NDUFAF2: variants seen among roughly 807,000 people sequenced by gnomAD.
NDUFAF2 encodes the protein NADH:ubiquinone oxidoreductase complex assembly factor 2.
Under a neutral mutation model 22.8 loss-of-function variants are expected in NDUFAF2, and 13 were observed. The ratio of observed to expected loss-of-function variants is 0.57; its 90% CI spans 0.37 to 0.91. The LOEUF is 0.91. NDUFAF2 is among the 40% of genes least tolerant of loss of function. The pLI, the probability that NDUFAF2 is intolerant of heterozygous loss-of-function variation, is 0.01. For synonymous variants in NDUFAF2, 53 were observed against 64.2 expected (o/e 0.83, Z 0.84); for missense variants, 162 against 195.2 (o/e 0.83, Z 1.01).
At chr5:60,972,013 G>A (rs1355477245) in intron 1 of NDUFAF2, among the ~76,000 whole-genome samples, 1 of 142,824 alleles carries the variant, frequency 7.0e-6, no homozygotes, top group Non-Finnish European at 1.5e-5. Flanking sequence ...TGTGATCTAA[G>A]CTCACTGCAA....
intron 1 of NDUFAF2, among the ~76,000 whole-genome samples, chr5:61,013,585 T>G (rs747722269): frequency 6.6e-6 from 1 of 152,186 alleles, no homozygotes; most frequent in Non-Finnish European, 1.5e-5. Flanking sequence ...TTCACTGCTC[T>G]GAATTATATA....
chr5:61,084,560 A>G (rs1752482880), intron 2 of NDUFAF2, among the ~76,000 whole-genome samples: 2 of 152,166 alleles, frequency 1.3e-5, no homozygotes, highest in African/African-American at 2.4e-5. Flanking sequence ...TAGAAATTGA[A>G]TCATACAGTA....
chr5:60,971,093 G>T (rs962650991), intron 1 of NDUFAF2, among the ~76,000 whole-genome samples: 1 of 150,490 alleles, frequency 6.6e-6, no homozygotes, highest in African/African-American at 2.4e-5. Flanking sequence ...CATGCTTAAT[G>T]CTCTCTAATT....
At chr5:61,110,222 A>G (rs553450200) in intron 3 of NDUFAF2, among the ~76,000 whole-genome samples, 52 of 150,996 alleles carry the variant, frequency 3.4e-4, no homozygotes, top group Non-Finnish European at 6.0e-4. Context: ...GGATTTTTGC[A>G]TCAGTGTTCA....
rs114065525 is a variant in NDUFAF2 at position 60,997,919 on chromosome 5, T to G, written c.127+52537T>G. Reference sequence around the variant, plus strand: ...CCTAGATTTTGGTTCATTGGCCACCTTCCAGGCTTCCTACTAAATTATTGG... The same window carrying G: ...CCTAGATTTTGGTTCATTGGCCACCGTCCAGGCTTCCTACTAAATTATTGG... On this transcript the variant is annotated intron_variant, in intron 1 of 3. Transcript: ENST00000296597. Among the ~76,000 whole-genome samples the G allele has an allele frequency of 5.6e-3, 853 of 152,322 alleles. 9 individuals carry two copies. The highest frequency in any genetic ancestry group is 0.014 in the Middle Eastern group (4 of 294).
chr5:61,009,697 A>G (rs1187703379), intron 1 of NDUFAF2, among the ~76,000 whole-genome samples: 1 of 152,066 alleles, frequency 6.6e-6, no homozygotes, highest in African/African-American at 2.4e-5. Context: ...GTACTTCTTC[A>G]AGTCATGGAA....
intron 1 of NDUFAF2, among the ~76,000 whole-genome samples, chr5:60,959,946 A>G (rs1351063227): frequency 1.3e-5 from 2 of 152,176 alleles, no homozygotes; most frequent in African/African-American, 4.8e-5. Flanking sequence ...ACTTATACAA[A>G]TAGTACCACA....
chr5:61,152,664 T>C (rs758687628), intron 3 of NDUFAF2, 40 bp from the exon 4 acceptor site: 2 of 1,393,018 alleles, frequency 1.4e-6, no homozygotes, highest in Non-Finnish European at 1.9e-6. Flanking sequence ...TTTTTTTAAC[T>C]AGAAATTTAA....
intron 1 of NDUFAF2, among the ~76,000 whole-genome samples, chr5:60,990,329 G>T (rs1751141711): frequency 6.6e-6 from 1 of 152,078 alleles, no homozygotes; most frequent in Admixed American, 6.5e-5. Context: ...AAATGGTCAG[G>T]TGATGGATAT....
In NDUFAF2 at chr5:60,963,305, A is replaced by G. The variant is rs1447171554; in HGVS notation, c.127+17923A>G. ...TTGAAACTATTGTTTTCCTACACGT[A>G]CTAGGAACTTCAGTTACTCTGTTAA... On this transcript the variant is annotated intron_variant, in intron 1 of 3. Transcript: ENST00000296597. Among the ~76,000 whole-genome samples the G allele has an allele frequency of 2.6e-5, 4 of 152,220 alleles. No individual in the cohort carries two copies. The South Asian group carries it at 6.2e-4, about 24-fold the overall frequency.
At chr5:61,128,891 A>G (rs1287784500) in intron 3 of NDUFAF2, among the ~76,000 whole-genome samples, 2 of 152,170 alleles carry the variant, frequency 1.3e-5, no homozygotes, top group African/African-American at 2.4e-5. Flanking sequence ...AACTTTTGCA[A>G]TCTACTCAAC....
chr5:61,096,399 G>A lies in NDUFAF2; in HGVS notation c.218-2593G>A, dbSNP rs1445589302. Among the ~76,000 whole-genome samples the A allele has an allele frequency of 2.5e-4, 38 of 151,870 alleles. 1 individual carries two copies. The highest frequency in any genetic ancestry group is 4.4e-5 in the Non-Finnish European group (3 of 67,966). On this transcript the variant is annotated intron_variant, in intron 2 of 3. Coordinates refer to ENST00000296597, the MANE Select transcript of NDUFAF2 (RefSeq NM_174889.5). ...GCAGATCACGAGGTCAAGAGATCGA[G>A]ACCATTCTGGCCAACACGGTGAAAC...
At chr5:61,071,633 T>C (rs1345069798) in intron 1 of NDUFAF2, among the ~76,000 whole-genome samples, 5 of 152,228 alleles carry the variant, frequency 3.3e-5, no homozygotes, top group African/African-American at 9.6e-5. Flanking sequence ...AGTGTAAGAT[T>C]GGCTTAGGAG....
chr5:61,148,387 G>A (rs1231251388), intron 3 of NDUFAF2, among the ~76,000 whole-genome samples: 2 of 152,206 alleles, frequency 1.3e-5, no homozygotes, highest in Non-Finnish European at 2.9e-5. Flanking sequence ...CCTGGTACCA[G>A]TTATTCCATC....
intron 2 of NDUFAF2, among the ~76,000 whole-genome samples, chr5:61,085,902 G>A (rs1295975375): frequency 2.0e-5 from 3 of 152,022 alleles, no homozygotes; most frequent in Non-Finnish European, 2.9e-5. Context: ...ATCACTTGAG[G>A]CCAGGACTTG....
chr5:61,089,155 A>G lies in NDUFAF2; in HGVS notation c.218-9837A>G, dbSNP rs572290021. Among the ~76,000 whole-genome samples, 9 of 152,218 alleles carry G rather than the reference A, an allele frequency of 5.9e-5. No homozygotes were observed. In the South Asian group the frequency reaches 1.9e-3, roughly 32 times the overall value. On this transcript the variant is annotated intron_variant, in intron 2 of 3. Transcript: ENST00000296597. ...GCATACTCACCTTTAATCTTATTAT[A>G]GTGGCTTATATTCTAATAGGAATAT...
intron 3 of NDUFAF2, among the ~76,000 whole-genome samples, chr5:61,106,739 A>G (rs1335818220): frequency 2.7e-5 from 4 of 150,304 alleles, no homozygotes; most frequent in East Asian, 3.9e-4. Context: ...TCTACTCTCT[A>G]TCTCCATAAG....
At chr5:61,025,311 C>T (rs186735475) in intron 1 of NDUFAF2, among the ~76,000 whole-genome samples, 2 of 151,720 alleles carry the variant, frequency 1.3e-5, no homozygotes, top group South Asian at 2.1e-4. Context: ...ACAGATCATC[C>T]GTAAGATTTG....
At chr5:61,028,170 T>C (rs1469006734) in intron 1 of NDUFAF2, among the ~76,000 whole-genome samples, 1 of 152,088 alleles carries the variant, frequency 6.6e-6, no homozygotes, top group Non-Finnish European at 1.5e-5. Context: ...GATGTGGCAT[T>C]TGAAAAGAAA....
Sources: gnomAD v4.1 joint callset for allele counts (sites outside exome capture counted in the v4.1 genomes callset) on GRCh38, gnomAD v4.1.1 for gene constraint, MANE v1.5 for transcripts, NCBI Gene and HGNC (gene_info 2026-07-23, HGNC 2026-07-21) for gene names.